Variants in ADAMTSL1 observed in about 807,000 individuals in gnomAD.
ADAMTSL1 encodes ADAMTS-like protein 1.
Under a neutral mutation model 201.8 loss-of-function variants are expected in ADAMTSL1, and 126 were observed. The observed-to-expected ratio is 0.62, with a 90% confidence interval of 0.54 to 0.72. The LOEUF (loss-of-function observed/expected upper bound fraction) is 0.72, where lower values mean the gene tolerates loss of function less well. ADAMTSL1 is among the 30% of genes least tolerant of loss of function. ADAMTSL1 has a pLI of 0.00. For missense variants in ADAMTSL1, 2,679 were observed against 2,277.8 expected (o/e 1.18, Z -3.59); for synonymous variants, 1,121 against 903.4 (o/e 1.24, Z -4.32).
chr9:18,242,948 A>G (rs1376758544), intron 2 of ADAMTSL1, among the ~76,000 whole-genome samples: 1 of 152,172 alleles, frequency 6.6e-6, no homozygotes, highest in Non-Finnish European at 1.5e-5. Context: ...TCAATGCAAC[A>G]TCTATCAAAA....
At chr9:18,265,214 C>T (rs1832075956) in intron 2 of ADAMTSL1, among the ~76,000 whole-genome samples, 1 of 152,148 alleles carries the variant, frequency 6.6e-6, no homozygotes, top group African/African-American at 2.4e-5. Context: ...TATGCCAGGC[C>T]TGTTGTACCT....
intron 2 of ADAMTSL1, among the ~76,000 whole-genome samples, chr9:18,212,622 T>C (rs1018589698): frequency 1.3e-5 from 2 of 152,106 alleles, no homozygotes; most frequent in Non-Finnish European, 2.9e-5. Context: ...CAATTGCAAA[T>C]CCATATGCAA....
chr9:18,197,401 T>A (rs976272531), intron 2 of ADAMTSL1, among the ~76,000 whole-genome samples: 19 of 132,578 alleles, frequency 1.4e-4, no homozygotes, highest in African/African-American at 4.8e-4. Context: ...TCACATCCCT[T>A]GTAAGTTGGA....
intron 1 of ADAMTSL1, among the ~76,000 whole-genome samples, chr9:18,105,366 T>G (rs753888854): frequency 2.0e-5 from 3 of 152,218 alleles, no homozygotes; most frequent in Non-Finnish European, 4.4e-5. Context: ...GCTGAATCTC[T>G]GGAACGTCTC....
At chr9:18,305,973 G>C (rs1405872071) in intron 2 of ADAMTSL1, among the ~76,000 whole-genome samples, 1 of 152,128 alleles carries the variant, frequency 6.6e-6, no homozygotes, top group East Asian at 1.9e-4. Flanking sequence ...GCTGGCATCT[G>C]GCAGGTGCCC....
intron 1 of ADAMTSL1, among the ~76,000 whole-genome samples, chr9:18,499,883 C>CT (rs34383159): frequency 1.3e-5 from 2 of 152,060 alleles, no homozygotes; most frequent in Non-Finnish European, 2.9e-5. Context: ...TCAGCACCTA[C>CT]TTTTTTTTCA....
At chr9:18,509,321 C>T (rs959201004) in intron 2 of ADAMTSL1, among the ~76,000 whole-genome samples, 4 of 147,228 alleles carry the variant, frequency 2.7e-5, no homozygotes, top group East Asian at 2.2e-4. Flanking sequence ...CCCTCAACAA[C>T]TGGTTCTATC....
At chr9:18,563,593 CT>C (rs1782090945) in intron 3 of ADAMTSL1, among the ~76,000 whole-genome samples, 1 of 152,224 alleles carries the variant, frequency 6.6e-6, no homozygotes. Context: ...ACGTTTAAGT[CT>C]GCTGAAGCCG....
intron 1 of ADAMTSL1, among the ~76,000 whole-genome samples, chr9:18,097,889 A>G (rs1338497269): frequency 1.3e-5 from 2 of 151,500 alleles, no homozygotes; most frequent in African/African-American, 2.4e-5. Flanking sequence ...GTGTATACTG[A>G]GAAATCTTTG....
intron 1 of ADAMTSL1, among the ~76,000 whole-genome samples, chr9:18,003,262 A>G (rs796545201): frequency 2.1e-5 from 3 of 146,250 alleles, no homozygotes; most frequent in African/African-American, 7.6e-5. Context: ...AGCTACTGAC[A>G]GTCTACATGT....
At position 18,622,196 on chromosome 9, in the gene ADAMTSL1, C is replaced by G. The variant is rs1298261247; in HGVS notation, c.475-47C>G. On this transcript the variant is annotated intron_variant, in intron 4 of 28. Transcript: ENST00000380548. ...GTGATTGGCCTCATAATGGATTTTG[C>G]CATCGGTAGGTGCTTGGTTGAATTA... The G allele has an allele frequency of 3.1e-6, 5 of 1,595,670 alleles. No homozygotes were observed. The African/African-American group carries it at 5.4e-5, about 17-fold the overall frequency.
chr9:18,689,333 T>G (rs1190704039), intron 13 of ADAMTSL1, among the ~76,000 whole-genome samples: 2 of 151,926 alleles, frequency 1.3e-5, no homozygotes, highest in African/African-American at 4.8e-5. Flanking sequence ...TGAGGAAAAA[T>G]GATACAATGA....
intron 9 of ADAMTSL1, among the ~76,000 whole-genome samples, chr9:18,673,977 G>T (rs1434970661): frequency 6.6e-6 from 1 of 151,900 alleles, no homozygotes; most frequent in Non-Finnish European, 1.5e-5. Context: ...ATTCTTACTA[G>T]ATGTTAGAAT....
chr9:18,567,801 A>G (rs1822017057), intron 3 of ADAMTSL1, among the ~76,000 whole-genome samples: 2 of 152,346 alleles, frequency 1.3e-5, no homozygotes, highest in African/African-American at 2.4e-5. Flanking sequence ...TTTCTCATAC[A>G]TATATGAGAT....
intron 2 of ADAMTSL1, among the ~76,000 whole-genome samples, chr9:18,373,403 C>T (rs1483437846): frequency 1.3e-5 from 2 of 152,158 alleles, no homozygotes; most frequent in Non-Finnish European, 2.9e-5. Flanking sequence ...ATGGGTAGCG[C>T]CTTATAATAT....
intron 1 of ADAMTSL1, among the ~76,000 whole-genome samples, chr9:18,030,835 A>G (rs551319193): frequency 6.6e-6 from 1 of 152,144 alleles, no homozygotes; most frequent in African/African-American, 2.4e-5. Context: ...ATAATCCCAT[A>G]TTTTTGGAGG....
chr9:17,983,894 A>G (rs963402108), intron 1 of ADAMTSL1, among the ~76,000 whole-genome samples: 1 of 152,170 alleles, frequency 6.6e-6, no homozygotes, highest in African/African-American at 2.4e-5. Flanking sequence ...TATTTTTTAA[A>G]TGAGACCAAA....
At chr9:18,444,047 A>G (rs920203091) in intron 2 of ADAMTSL1, among the ~76,000 whole-genome samples, 1 of 152,172 alleles carries the variant, frequency 6.6e-6, no homozygotes, top group Non-Finnish European at 1.5e-5. Context: ...TACTATAGAA[A>G]TGATATTGTT....
intron 2 of ADAMTSL1, among the ~76,000 whole-genome samples, chr9:18,200,857 A>C (rs1829414697): frequency 6.6e-6 from 1 of 152,062 alleles, no homozygotes; most frequent in Non-Finnish European, 1.5e-5. Flanking sequence ...ATAACTAATT[A>C]CAAAGAAAAA....
Sources: gnomAD v4.1 joint callset for allele counts (sites outside exome capture counted in the v4.1 genomes callset) on GRCh38, gnomAD v4.1.1 for gene constraint, MANE v1.5 for transcripts, NCBI Gene and HGNC (gene_info 2026-07-23, HGNC 2026-07-21) for gene names.